LRRC43: variants seen among roughly 807,000 people sequenced by gnomAD.
LRRC43 encodes the protein leucine-rich repeat-containing protein 43.
In LRRC43, 62 loss-of-function variants were observed where a neutral mutation model predicts 64.3. The ratio of observed to expected loss-of-function variants is 0.96; its 90% CI spans 0.79 to 1.19. LRRC43 has a LOEUF of 1.19. Among genes scored for constraint, LRRC43 ranks in the 50% most tolerant of loss-of-function variants. The probability of loss-of-function intolerance (pLI) is 0.00; values close to 1 mark genes in which losing one functional copy is unlikely to be tolerated. For missense variants in LRRC43, 868 were observed against 845.0 expected (o/e 1.03, Z -0.34); for synonymous variants, 422 against 382.3 (o/e 1.10, Z -1.21).
At position 122,200,444 on chromosome 12, in the gene LRRC43, A is replaced by G. The variant is rs1180873891; in HGVS notation, c.1492-88A>G. 1.2e-6 allele frequency: 2 copies of G among 1,610,232 alleles called. No homozygotes were observed. Among genetic ancestry groups the G allele is most frequent in the Non-Finnish European group, 1.7e-6 (2 of 1,177,050 alleles). ...GCACTCCCTGGTTAGATGAGTTCTC[A>G]GCGCCATTCCAGAAAGGGTGAGGGA... On this transcript the variant is annotated intron_variant, in intron 8 of 11. Transcript: ENST00000339777. The surrounding 1 kb of genome is among the most constrained non-coding windows in gnomAD (Gnocchi z 4.6).
Position 122,200,706 on chromosome 12 carries a change from C to T in LRRC43, c.1621-40C>T. ...GGAGGGCAGCCTGGCCACACCCTTG[C>T]TTCAACTTGTCCCACCCTCCTGTCC... On this transcript the variant is annotated intron_variant, in intron 9 of 11. Coordinates refer to ENST00000339777, the MANE Select transcript of LRRC43 (RefSeq NM_001098519.2). This position sits in a 1 kb window ranked among gnomAD's most constrained non-coding sequence, Gnocchi z 4.6. 1 of 1,613,206 alleles carries T rather than the reference C, an allele frequency of 6.2e-7. No individual in the cohort carries two copies. The highest frequency in any genetic ancestry group is 8.5e-7 in the Non-Finnish European group (1 of 1,179,846).
In LRRC43 at chr12:122,200,890, G is replaced by C. The variant is rs766071496; in HGVS notation, c.1765G>C (p.Gly589Arg). Residue 589 changes from glycine to arginine, a missense_variant, in exon 10 of 12, where the codon GGC becomes CGC. Coordinates refer to ENST00000339777, the MANE Select transcript of LRRC43 (RefSeq NM_001098519.2). This position sits in a 1 kb window ranked among gnomAD's most constrained non-coding sequence, Gnocchi z 4.6. ...EPLVSTVCNF[G>R]VVRTLTSDRL... Reference sequence around the variant, plus strand: ...CCTGGTGTCCACCGTGTGCAACTTCGGCGTGGTCCGCACATTGACATCTGA... The same window carrying C: ...CCTGGTGTCCACCGTGTGCAACTTCCGCGTGGTCCGCACATTGACATCTGA... 1.9e-6 allele frequency: 3 copies of C among 1,611,962 alleles called. No individual in the cohort carries two copies. The African/African-American group carries it at 4.0e-5, about 22-fold the overall frequency.
chr12:122,177,987 G>A (rs988698934), intron 1 of LRRC43, among the ~76,000 whole-genome samples: 2 of 151,348 alleles, frequency 1.3e-5, no homozygotes, highest in Non-Finnish European at 2.9e-5. Flanking sequence ...ACAGGTACGT[G>A]CCACCATGCC....
chr12:122,184,696 G>A lies in LRRC43; in HGVS notation c.328G>A (p.Glu110Lys), dbSNP rs752770340. ...GAATGCAGAAGACAGTTTCCTGAGA[G>A]AATTGGCCATCCGGAACCCGCTGAC... ...NSNAEDSFLR[E>K]LAIRNPLTIT... Residue 110 changes from glutamate to lysine, a missense_variant, in exon 2 of 12, where the codon GAA becomes AAA. Transcript: ENST00000339777. This position sits in a 1 kb window ranked among gnomAD's most constrained non-coding sequence, Gnocchi z 4.0. The A allele has an allele frequency of 7.4e-6, 12 of 1,613,968 alleles. No individual in the cohort carries two copies. The highest frequency in any genetic ancestry group is 8.5e-6 in the Non-Finnish European group (10 of 1,179,884).
intron 4 of LRRC43, among the ~76,000 whole-genome samples, chr12:122,189,109 A>G (rs1054433309): frequency 6.6e-6 from 1 of 152,098 alleles, no homozygotes; most frequent in Admixed American, 6.6e-5. Flanking sequence ...GCGGTAGAAA[A>G]CTTAACATCC....
At position 122,186,729 on chromosome 12, in the gene LRRC43, G is replaced by A. The variant is rs1339040003; in HGVS notation, c.522+429G>A. Among the ~76,000 whole-genome samples the A allele has an allele frequency of 2.6e-5, 4 of 152,160 alleles. No individual in the cohort carries two copies. In the East Asian group the frequency reaches 7.7e-4, roughly 29 times the overall value. On this transcript the variant is annotated intron_variant, in intron 3 of 11. Coordinates refer to ENST00000339777, the MANE Select transcript of LRRC43 (RefSeq NM_001098519.2). ...AGGTCAGGAGTTTGAGACCAGCCTG[G>A]CCAACATGGCGAAACCCCATCTCTA... is the stretch of plus-strand genomic sequence containing the variant.
chr12:122,198,698 C>T (rs1276892677), intron 7 of LRRC43, among the ~76,000 whole-genome samples: 1 of 140,630 alleles, frequency 7.1e-6, no homozygotes, highest in Non-Finnish European at 1.5e-5. Context: ...GGTGCGATCT[C>T]GGCTCACTGC....
intron 1 of LRRC43, among the ~76,000 whole-genome samples, chr12:122,176,063 G>A (rs988721909): frequency 2.6e-5 from 4 of 152,314 alleles, no homozygotes; most frequent in East Asian, 1.9e-4. Flanking sequence ...TTGTGGGCCC[G>A]TCATTGCTGT....
rs1042558066 is a variant in LRRC43 at position 122,200,426 on chromosome 12, C to T, written c.1491+96C>T. 6.2e-7 allele frequency: 1 copy of T among 1,608,514 alleles called. No individual in the cohort carries two copies. The highest frequency in any genetic ancestry group is 8.5e-7 in the Non-Finnish European group (1 of 1,176,114). Reference sequence around the variant, plus strand: ...CTGTCCCCCATGGGAGCCGCACTCCCTGGTTAGATGAGTTCTCAGCGCCAT... The same window carrying T: ...CTGTCCCCCATGGGAGCCGCACTCCTTGGTTAGATGAGTTCTCAGCGCCAT... On this transcript the variant is annotated intron_variant, in intron 8 of 11. Transcript: ENST00000339777. This position sits in a 1 kb window ranked among gnomAD's most constrained non-coding sequence, Gnocchi z 4.6.
At chr12:122,182,562 G>A (rs1953591685), upstream of LRRC43, among the ~76,000 whole-genome samples, 1 of 139,432 alleles carries the variant, frequency 7.2e-6, no homozygotes, top group Admixed American at 7.2e-5. Flanking sequence ...AAGTGGTCAT[G>A]CGCGCCTGTA....
chr12:122,179,012 A>G (rs1953560434), upstream of LRRC43, among the ~76,000 whole-genome samples: 5 of 152,208 alleles, frequency 3.3e-5, no homozygotes, highest in Admixed American at 3.3e-4. Context: ...GTACAAACGA[A>G]GAGGATCACA....
upstream of LRRC43, among the ~76,000 whole-genome samples, chr12:122,179,332 CG>C (rs1194659052): frequency 9.9e-5 from 15 of 152,072 alleles, no homozygotes; most frequent in African/African-American, 3.6e-4. Context: ...TCTTAAACTC[CG>C]GGGCTCAAGC....
At chr12:122,173,694 A>C in intron 1 of LRRC43, 1 of 668,594 alleles carries the variant, frequency 1.5e-6, no homozygotes, top group Middle Eastern at 2.8e-4. Flanking sequence ...AAAAAAAAAA[A>C]AAAAGCCATC....
rs535319027 is a variant in LRRC43 at position 122,192,784 on chromosome 12, G to GA, written c.1131dup (p.Ser378IlefsTer3). 22 of 1,614,018 alleles carry GA rather than the reference G, an allele frequency of 1.4e-5. 1 individual carries two copies. The South Asian group carries it at 2.0e-4, about 14-fold the overall frequency. ...TCCCAGCTTAGAATTATTAGTTGAG[G>GA]AATCTCCTGAAGAGGTCGTGGAAGA... On this transcript the variant is annotated frameshift_variant, in exon 7 of 12. Coordinates refer to ENST00000339777, the MANE Select transcript of LRRC43 (RefSeq NM_001098519.2). LOFTEE classifies it high-confidence loss of function.
chr12:122,196,075 T>C (rs910241905), intron 7 of LRRC43, among the ~76,000 whole-genome samples: 2 of 152,212 alleles, frequency 1.3e-5, no homozygotes, highest in Non-Finnish European at 2.9e-5. Context: ...TCTCTTTGAC[T>C]GTTCCCCTTT....
chr12:122,184,449 G>T lies in LRRC43; in HGVS notation c.151-70G>T. ...ATCGTCCAGTTTTATGATCTGTTCT[G>T]TTTTGAGAGTTTGGTGTCCTTAAGG... On this transcript the variant is annotated intron_variant, in intron 1 of 11. Coordinates refer to ENST00000339777, the MANE Select transcript of LRRC43 (RefSeq NM_001098519.2). The surrounding 1 kb of genome is among the most constrained non-coding windows in gnomAD (Gnocchi z 4.0). The T allele has an allele frequency of 6.4e-7, 1 of 1,550,450 alleles. No individual in the cohort carries two copies. Among genetic ancestry groups the T allele is most frequent in the East Asian group, 2.3e-5 (1 of 43,404 alleles).
chr12:122,190,669 C>T (rs545930777), intron 5 of LRRC43, among the ~76,000 whole-genome samples: 1 of 152,256 alleles, frequency 6.6e-6, no homozygotes, highest in South Asian at 2.1e-4. Flanking sequence ...TTGAGACCAG[C>T]CTGGCCAACA....
chr12:122,201,412 C>A, intron 11 of LRRC43, 83 bp downstream of exon 11: 1 of 1,280,098 alleles, frequency 7.8e-7, no homozygotes, highest in Non-Finnish European at 1.1e-6. Context: ...CCAAAGGAAC[C>A]AAAGGGTGGG....
chr12:122,195,702 G>A (rs564379321), intron 7 of LRRC43, among the ~76,000 whole-genome samples: 1 of 152,240 alleles, frequency 6.6e-6, no homozygotes, highest in African/African-American at 2.4e-5. Context: ...TTTTTACTAT[G>A]ATGTCTCTGG....
Sources: gnomAD v4.1 joint callset for allele counts (sites outside exome capture counted in the v4.1 genomes callset) on GRCh38, gnomAD v4.1.1 for gene constraint, Gnocchi (gnomAD v3.1) non-coding constraint, MANE v1.5 for transcripts, NCBI Gene and HGNC (gene_info 2026-07-23, HGNC 2026-07-21) for gene names.